Variants in ZFP14 observed in about 807,000 individuals in gnomAD.
The protein encoded by ZFP14 is zinc finger protein 14 homolog.
Under a neutral mutation model 54.5 loss-of-function variants are expected in ZFP14, and 22 were observed. The observed-to-expected ratio is 0.40, with a 90% CI of 0.29 to 0.58. The LOEUF is 0.58. Among genes scored for constraint, ZFP14 ranks in the 20% least tolerant of loss-of-function variants. ZFP14 has a pLI of 0.39. For synonymous variants in ZFP14, 159 were observed against 204.0 expected, an observed-to-expected ratio of 0.78 and a Z score of 1.88; for missense variants, 470 against 637.8, an observed-to-expected ratio of 0.74 and a Z score of 2.83.
At chr19:36,347,952 G>T (rs1410803049) in intron 4 of ZFP14, among the ~76,000 whole-genome samples, 1 of 152,112 alleles carries the variant, frequency 6.6e-6, no homozygotes, top group Non-Finnish European at 1.5e-5. Context: ...TAGCTACTCG[G>T]GAGGCTGAGG....
intron 1 of ZFP14, among the ~76,000 whole-genome samples, chr19:36,375,020 C>T (rs1484663603): frequency 2.0e-5 from 3 of 151,608 alleles, no homozygotes; most frequent in East Asian, 1.9e-4. Flanking sequence ...TGTTGGAGTA[C>T]GGCCTAGAAA....
rs2031230862 is a variant in ZFP14, at chr19:36,337,705, T to G, written c.*2519A>C. The stretch of plus-strand genomic sequence containing the variant: ...TGCTTTCAGTTCATTATTCCAGCAA[T>G]AAGGCTTTGTAGATGGTGGTGTGGA... On this transcript the variant is annotated 3_prime_UTR_variant, in exon 5 of 5. Coordinates refer to ENST00000270001, the MANE Select transcript of ZFP14 (RefSeq NM_020917.3). 4 of 152,210 alleles carry G rather than the reference T, an allele frequency of 2.6e-5. No homozygotes were observed. The allele number at this position is 152,210 out of a possible 1,614,324, so 9.4% of individuals were successfully genotyped here. A position where few individuals can be genotyped will look rare whatever the true frequency, so the allele number is the denominator to read the frequency against.
At chr19:36,358,461 A>G (rs956949269) in intron 4 of ZFP14, among the ~76,000 whole-genome samples, 1 of 152,078 alleles carries the variant, frequency 6.6e-6, no homozygotes, top group Non-Finnish European at 1.5e-5. Context: ...TGATTTTTCA[A>G]TTATTACTTC....
chr19:36,341,382 T>A lies in ZFP14; in HGVS notation c.444A>T (p.Glu148Asp). 1 of 1,614,052 alleles carries A rather than the reference T, an allele frequency of 6.2e-7. No individual in the cohort carries two copies. The highest frequency in any genetic ancestry group is 8.5e-7 in the Non-Finnish European group (1 of 1,179,990). The change falls in exon 5 of 5, where the codon GAA becomes GAT. Residue 148 changes from glutamate (E) to aspartate (D), a missense_variant. Glu to Asp is a conservative substitution (Grantham distance 45, BLOSUM62 2). Coordinates refer to ENST00000270001, the MANE Select transcript of ZFP14 (RefSeq NM_020917.3). The surrounding 1 kb of genome is among the most constrained non-coding windows in gnomAD (Gnocchi z 4.2). Reference protein sequence around the residue: ...GYFGQVKITSEKMTTYKRHNF... With the variant: ...GYFGQVKITSDKMTTYKRHNF... Reference sequence around the variant, plus strand: ...TGTGCCTTTTGTAAGTGGTCATTTTTTCAGAGGTAATTTTCACTTGCCCAA... The same window carrying A: ...TGTGCCTTTTGTAAGTGGTCATTTTATCAGAGGTAATTTTCACTTGCCCAA...
At chr19:36,373,480 C>T (rs1804009828) in intron 1 of ZFP14, among the ~76,000 whole-genome samples, 1 of 151,984 alleles carries the variant, frequency 6.6e-6, no homozygotes, top group Non-Finnish European at 1.5e-5. Context: ...TATTATACAA[C>T]ATGGTGATAT....
At chr19:36,357,762 G>A (rs1407488877) in intron 4 of ZFP14, among the ~76,000 whole-genome samples, 1 of 150,294 alleles carries the variant, frequency 6.7e-6, no homozygotes, top group African/African-American at 2.5e-5. Flanking sequence ...TTTTTTTTGA[G>A]ATAAGAGTCT....
chr19:36,375,335 T>C (rs1334525247), intron 1 of ZFP14, among the ~76,000 whole-genome samples: 1 of 152,128 alleles, frequency 6.6e-6, no homozygotes, highest in African/African-American at 2.4e-5. Flanking sequence ...CATCATGAGA[T>C]TGATATCTCT....
chr19:36,344,729 A>G (rs1179638505), intron 4 of ZFP14, among the ~76,000 whole-genome samples: 1 of 152,096 alleles, frequency 6.6e-6, no homozygotes, highest in Non-Finnish European at 1.5e-5. Flanking sequence ...TGAACTGTGT[A>G]TGCGAGGGAT....
At chr19:36,371,498 T>G (rs547607849) in intron 1 of ZFP14, among the ~76,000 whole-genome samples, 14 of 152,226 alleles carry the variant, frequency 9.2e-5, no homozygotes, top group African/African-American at 2.9e-4. Context: ...GGAATGAATC[T>G]GTAAACCTGA....
At chr19:36,365,987 G>T (rs1372105186) in intron 2 of ZFP14, among the ~76,000 whole-genome samples, 1 of 151,226 alleles carries the variant, frequency 6.6e-6, no homozygotes, top group African/African-American at 2.4e-5. Flanking sequence ...GGGTGTCATG[G>T]TGGATGGTGG....
In ZFP14 at chr19:36,361,909, A is replaced by C. The variant is rs374522959; in HGVS notation, c.136+203T>G. ...TTCAAATCCATCCCCTTGGATACTA[A>C]GGAAATCAGGAATTACAGAGTCTGA... On this transcript the variant is annotated intron_variant, in intron 3 of 4. Transcript: ENST00000270001. Among the ~76,000 whole-genome samples the C allele has an allele frequency of 3.3e-4, 50 of 152,312 alleles. No individual in the cohort carries two copies. In the South Asian group the frequency reaches 9.3e-3, roughly 28 times the overall value.
chr19:36,364,248 C>T (rs1222245695), intron 2 of ZFP14, among the ~76,000 whole-genome samples: 1 of 152,132 alleles, frequency 6.6e-6, no homozygotes, highest in African/African-American at 2.4e-5. Flanking sequence ...GCAATTTGTT[C>T]GATGCATATA....
chr19:36,341,479 C>A lies in ZFP14; in HGVS notation c.347G>T (p.Gly116Val). ...TTCCCAATCATTCCTAAAAATGGAACCCTGAAGGCTATAGCTTTTAATTCT... is the reference window on the plus strand; with the variant it reads ...TTCCCAATCATTCCTAAAAATGGAAACCTGAAGGCTATAGCTTTTAATTCT... ...MERIKSYSLQ[G>V]SIFRNDWECK... The change falls in exon 5 of 5, where the codon GGT becomes GTT. Residue 116 changes from glycine (G) to valine (V), a missense_variant. Transcript: ENST00000270001. The surrounding 1 kb of genome is among the most constrained non-coding windows in gnomAD (Gnocchi z 4.2). The A allele has an allele frequency of 6.2e-7, 1 of 1,614,084 alleles. No homozygotes were observed. Among genetic ancestry groups the A allele is most frequent in the Non-Finnish European group, 8.5e-7 (1 of 1,180,030 alleles).
chr19:36,372,403 T>A (rs1441409640), intron 1 of ZFP14, among the ~76,000 whole-genome samples: 15 of 150,668 alleles, frequency 1.0e-4, no homozygotes, highest in African/African-American at 3.7e-4. Flanking sequence ...AATATTCAAA[T>A]AAAACTAGAA....
chr19:36,355,929 C>T lies in ZFP14; in HGVS notation c.235+4506G>A, dbSNP rs1383237458. Among the ~76,000 whole-genome samples, 2 of 142,234 alleles carry T rather than the reference C, an allele frequency of 1.4e-5. 1 individual carries two copies. Among genetic ancestry groups the T allele is most frequent in the Non-Finnish European group, 3.1e-5 (2 of 64,202 alleles). The allele number at this position is 142,234 out of a possible 152,430, so 93.3% of individuals were successfully genotyped here. A position where few individuals can be genotyped will look rare whatever the true frequency, so the allele number is the denominator to read the frequency against. ...GATACAGATTTAAATAGAGATGAAA[C>T]TGTAGTCACCGATCAAAAAAAAGAG... On this transcript the variant is annotated intron_variant, in intron 4 of 4. Transcript: ENST00000270001.
chr19:36,369,419 T>G (rs2031846943), intron 1 of ZFP14, among the ~76,000 whole-genome samples: 2 of 151,940 alleles, frequency 1.3e-5, no homozygotes, highest in Non-Finnish European at 2.9e-5. Context: ...GTTTTTTTTG[T>G]TTGTTTTTGC....
chr19:36,366,788 T>G (rs547352161), intron 2 of ZFP14, among the ~76,000 whole-genome samples: 1 of 152,290 alleles, frequency 6.6e-6, no homozygotes, highest in East Asian at 1.9e-4. Context: ...CATCCAGCCA[T>G]ACACTTATGG....
intron 1 of ZFP14, among the ~76,000 whole-genome samples, chr19:36,372,857 TGATAAAGAAACA>T (rs1286896678): frequency 6.6e-6 from 1 of 152,168 alleles, no homozygotes; most frequent in East Asian, 1.9e-4. Flanking sequence ...CATTCAGCTA[TGATAAAGAAACA>T]AAACCTGTCA....
intron 4 of ZFP14, among the ~76,000 whole-genome samples, chr19:36,347,905 A>G (rs1260106774): frequency 6.6e-6 from 1 of 152,074 alleles, no homozygotes; most frequent in African/African-American, 2.4e-5. Flanking sequence ...TAAAAACACA[A>G]AAATTAGCTG....
Sources: gnomAD v4.1 joint callset for allele counts (sites outside exome capture counted in the v4.1 genomes callset) on GRCh38, gnomAD v4.1.1 for gene constraint, Gnocchi (gnomAD v3.1) non-coding constraint, MANE v1.5 for transcripts, NCBI Gene and HGNC (gene_info 2026-07-23, HGNC 2026-07-21) for gene names.